The following PHACTR3 variants were observed in gnomAD, a reference collection of about 807,000 sequenced individuals.
PHACTR3 encodes protein phosphatase 1, regulatory subunit 123.
In PHACTR3, 16 loss-of-function variants were observed where a neutral mutation model predicts 66.8. The observed-to-expected ratio is 0.24, with a 90% CI of 0.16 to 0.36. The LOEUF is 0.36. PHACTR3 is among the 10% of genes least tolerant of loss of function. PHACTR3 has a pLI of 1.00. For synonymous variants in PHACTR3, 323 were observed against 292.1 expected (o/e 1.11, Z -1.08); for missense variants, 647 against 719.9 (o/e 0.90, Z 1.16).
chr20:59,659,519 C>T (rs573772146), intron 1 of PHACTR3, among the ~76,000 whole-genome samples: 18 of 151,860 alleles, frequency 1.2e-4, no homozygotes, highest in South Asian at 2.1e-4. Context: ...ACTACAGGCA[C>T]GCACCACCAT....
At chr20:59,627,386 T>C (rs967033332) in intron 1 of PHACTR3, among the ~76,000 whole-genome samples, 1 of 152,090 alleles carries the variant, frequency 6.6e-6, no homozygotes, top group Non-Finnish European at 1.5e-5. Flanking sequence ...TAGAGCTAGA[T>C]GTGGTGTGAG....
At chr20:59,772,070 A>G (rs1448152723) in intron 5 of PHACTR3, among the ~76,000 whole-genome samples, 2 of 152,226 alleles carry the variant, frequency 1.3e-5, no homozygotes, top group African/African-American at 2.4e-5. Flanking sequence ...TTTACAGGCA[A>G]GTAGGCTAAG....
At chr20:59,834,430 G>C (rs1392085912) in intron 8 of PHACTR3, among the ~76,000 whole-genome samples, 1 of 152,160 alleles carries the variant, frequency 6.6e-6, no homozygotes, top group Non-Finnish European at 1.5e-5. Flanking sequence ...GCTAATGCTG[G>C]GTGCCCAGCT....
At chr20:59,605,580 C>T (rs1240752255) in intron 1 of PHACTR3, among the ~76,000 whole-genome samples, 36 of 152,226 alleles carry the variant, frequency 2.4e-4, no homozygotes, top group Admixed American at 2.4e-3. Context: ...GGCCACCGCG[C>T]TGAGGGCTTC....
At chr20:59,836,750 T>C (rs2058974899) in intron 9 of PHACTR3, among the ~76,000 whole-genome samples, 190 bp downstream of exon 9, 1 of 152,146 alleles carries the variant, frequency 6.6e-6, no homozygotes, top group South Asian at 2.1e-4. Context: ...ACATTTTTTT[T>C]AATTTAAAAA....
In PHACTR3 at chr20:59,847,093, TTGTC is replaced by T. The variant is rs759887218; in HGVS notation, c.1665-20_1665-17del. 1.2e-5 allele frequency: 18 copies of T among 1,490,374 alleles called. No individual in the cohort carries two copies. The highest frequency in any genetic ancestry group is 1.7e-5 in the Non-Finnish European group (18 of 1,075,266). 92.3% of individuals were successfully genotyped at this position (1,490,374 alleles called of 1,614,324 possible). A position where few individuals can be genotyped will look rare whatever the true frequency, so the allele number is the denominator to read the frequency against. ...CTAGAAATGAATAACCTTAAATTCT[TTGTC>T]TTTTTTATAATCTCTAGATTCCACA... On this transcript the variant is annotated intron_variant, in intron 12 of 12. Coordinates refer to ENST00000371015, the MANE Select transcript of PHACTR3 (RefSeq NM_080672.5).
intron 1 of PHACTR3, among the ~76,000 whole-genome samples, chr20:59,707,463 T>TTC (rs1277035041): frequency 6.9e-6 from 1 of 145,430 alleles, no homozygotes; most frequent in East Asian, 2.0e-4. Flanking sequence ...CACTCTTTTT[T>TTC]TTTTTTTTTT....
intron 1 of PHACTR3, among the ~76,000 whole-genome samples, chr20:59,610,557 T>C (rs2033816163): frequency 6.6e-6 from 1 of 152,274 alleles, no homozygotes; most frequent in South Asian, 2.1e-4. Flanking sequence ...ATGTGGCAAT[T>C]TGAATCTGAA....
chr20:59,755,796 C>T, intron 4 of PHACTR3, among the ~76,000 whole-genome samples: 1 of 152,174 alleles, frequency 6.6e-6, no homozygotes, highest in East Asian at 1.9e-4. Context: ...GGCCTCTTGG[C>T]CTAAGAGATG....
chr20:59,800,852 A>C (rs531146646), intron 7 of PHACTR3, among the ~76,000 whole-genome samples: 1 of 152,306 alleles, frequency 6.6e-6, no homozygotes, highest in East Asian at 1.9e-4. Context: ...CATTTGTTAG[A>C]TAGAACCAGA....
chr20:59,676,347 C>T (rs942324456), intron 1 of PHACTR3, among the ~76,000 whole-genome samples: 2 of 152,208 alleles, frequency 1.3e-5, no homozygotes, highest in East Asian at 1.9e-4. Flanking sequence ...TGACACGTCT[C>T]GGGCACAGAG....
At chr20:59,660,256 A>G (rs1417135570) in intron 1 of PHACTR3, among the ~76,000 whole-genome samples, 3 of 152,154 alleles carry the variant, frequency 2.0e-5, no homozygotes, top group Non-Finnish European at 2.9e-5. Context: ...GCACTTTGGG[A>G]GGCTGAGGTG....
At chr20:59,596,040 A>G (rs1422868358) in intron 1 of PHACTR3, among the ~76,000 whole-genome samples, 2 of 152,184 alleles carry the variant, frequency 1.3e-5, no homozygotes, top group East Asian at 1.9e-4. Context: ...CTGGATCCCA[A>G]AGCCGCCTCG....
chr20:59,657,009 T>C (rs1479998423), intron 1 of PHACTR3, among the ~76,000 whole-genome samples: 1 of 152,040 alleles, frequency 6.6e-6, no homozygotes, highest in Non-Finnish European at 1.5e-5. Flanking sequence ...CAATTAATTA[T>C]TACTTTATAT....
chr20:59,840,865 T>A (rs1448032476), intron 10 of PHACTR3, among the ~76,000 whole-genome samples: 3 of 152,236 alleles, frequency 2.0e-5, no homozygotes, highest in African/African-American at 7.2e-5. Context: ...AGGTTTGTTC[T>A]CTGTGACTCA....
At chr20:59,812,294 C>T (rs1310287283) in intron 8 of PHACTR3, among the ~76,000 whole-genome samples, 3 of 152,226 alleles carry the variant, frequency 2.0e-5, no homozygotes, top group African/African-American at 7.2e-5. Flanking sequence ...TGCTCAGTAG[C>T]ATCTTTCAGG....
chr20:59,614,913 G>A (rs2033978746), intron 1 of PHACTR3, among the ~76,000 whole-genome samples: 1 of 152,164 alleles, frequency 6.6e-6, no homozygotes, highest in Admixed American at 6.5e-5. Context: ...AGTCACGTGA[G>A]TCAAATGGTT....
chr20:59,684,061 T>C (rs574057371), intron 1 of PHACTR3, among the ~76,000 whole-genome samples: 2 of 152,094 alleles, frequency 1.3e-5, no homozygotes, highest in South Asian at 4.2e-4. Flanking sequence ...AAAGAAAGGG[T>C]GGGATTTTTC....
intron 7 of PHACTR3, among the ~76,000 whole-genome samples, chr20:59,783,973 G>GTGAA (rs1230430136): frequency 6.6e-6 from 1 of 152,248 alleles, no homozygotes; most frequent in Non-Finnish European, 1.5e-5. Context: ...CTCCGCAAGG[G>GTGAA]TGAAGGTCAA....
Sources: allele counts gnomAD v4.1 joint callset (sites outside exome capture counted in the v4.1 genomes callset), GRCh38; gene constraint gnomAD v4.1.1; transcripts MANE v1.5; gene names NCBI Gene and HGNC (gene_info 2026-07-23, HGNC 2026-07-21).